GTF2A1L: variants seen among roughly 807,000 people sequenced by gnomAD.
GTF2A1L encodes general transcription factor IIA subunit 1 like, also known as TFIIA-alpha and beta-like factor.
In GTF2A1L, 48 loss-of-function variants were observed where a neutral mutation model predicts 49.7. The observed-to-expected ratio is 0.97, with a 90% CI of 0.77 to 1.23. The LOEUF is 1.23. Ranked by LOEUF, GTF2A1L falls within the 50% of genes most tolerant of loss-of-function variation. The probability of loss-of-function intolerance (pLI) is 0.00; values close to 1 mark genes in which losing one functional copy is unlikely to be tolerated. For synonymous variants in GTF2A1L, 246 were observed against 193.5 expected, an observed-to-expected ratio of 1.27 and a Z score of -2.25; for missense variants, 736 against 564.8, an observed-to-expected ratio of 1.30 and a Z score of -3.07.
intron 6 of GTF2A1L, among the ~76,000 whole-genome samples, chr2:48,669,155 ACT>A (rs1229927581): frequency 6.6e-6 from 1 of 152,000 alleles, no homozygotes; most frequent in Non-Finnish European, 1.5e-5. Context: ...TCAAACAGAA[ACT>A]CTGTACTCAT....
intron 6 of GTF2A1L, among the ~76,000 whole-genome samples, chr2:48,663,346 G>C (rs972403761): frequency 1.3e-5 from 2 of 152,104 alleles, no homozygotes; most frequent in Non-Finnish European, 2.9e-5. Context: ...TGAGGTGGGA[G>C]GATCGCTTGA....
intron 3 of GTF2A1L, among the ~76,000 whole-genome samples, chr2:48,623,836 C>T (rs1260463773): frequency 6.6e-6 from 1 of 152,130 alleles, no homozygotes; most frequent in Non-Finnish European, 1.5e-5. Context: ...TGCATGTTCT[C>T]ACTTATAAAT....
intron 6 of GTF2A1L, among the ~76,000 whole-genome samples, chr2:48,652,424 T>C (rs988304306): frequency 2.6e-5 from 4 of 151,936 alleles, no homozygotes; most frequent in African/African-American, 9.7e-5. Flanking sequence ...GAGACCAGCC[T>C]GGTCAACGTG....
Position 48,646,945 on chromosome 2 carries a change from T to A in GTF2A1L, c.881T>A (p.Ile294Asn). The A allele has an allele frequency of 6.2e-7, 1 of 1,614,208 alleles. No homozygotes were observed. Among genetic ancestry groups the A allele is most frequent in the Non-Finnish European group, 8.5e-7 (1 of 1,180,038 alleles). The part of the protein sequence containing the change: ...HGALHQHVTD[I>N]QLHILKNRMY... ...GCTCTCCACCAGCACGTGACTGATA[T>A]TCAGCTTCATATTCTTAAAAATAGG... Residue 294 changes from isoleucine (I) to asparagine (N), a missense_variant, in exon 6 of 9, where the codon ATT (isoleucine) becomes AAT (asparagine). Physicochemically the swap from Ile to Asn is moderately radical, Grantham distance 149. Coordinates refer to ENST00000403751, the MANE Select transcript of GTF2A1L (RefSeq NM_006872.5).
chr2:48,650,973 C>T (rs1283877757), intron 6 of GTF2A1L, among the ~76,000 whole-genome samples: 1 of 152,150 alleles, frequency 6.6e-6, no homozygotes, highest in Non-Finnish European at 1.5e-5. Flanking sequence ...TTTATCCCCA[C>T]ATATGGGTAT....
At chr2:48,618,002 A>G (rs1675759426) in intron 1 of GTF2A1L, 107 bp downstream of exon 1, 2 of 1,158,456 alleles carry the variant, frequency 1.7e-6, no homozygotes, top group Non-Finnish European at 2.5e-6. Context: ...ACAGATTGTC[A>G]TAAACCCTCT....
chr2:48,642,334 C>G, intron 3 of GTF2A1L, 68 bp from the exon 4 acceptor site: 6 of 1,381,278 alleles, frequency 4.3e-6, no homozygotes, highest in Non-Finnish European at 5.9e-6. Context: ...TAAAAATAAG[C>G]TATATTTAGT....
chr2:48,622,542 G>C (rs1246855197), intron 3 of GTF2A1L, among the ~76,000 whole-genome samples: 1 of 152,122 alleles, frequency 6.6e-6, no homozygotes, highest in East Asian at 1.9e-4. Context: ...GGTGTGGTGG[G>C]TATGGAAGAG....
chr2:48,643,485 A>G (rs1677317399), intron 4 of GTF2A1L, among the ~76,000 whole-genome samples: 1 of 152,156 alleles, frequency 6.6e-6, no homozygotes, highest in Non-Finnish European at 1.5e-5. Flanking sequence ...GGATTTTTGG[A>G]AAGAATGGTG....
At chr2:48,679,246 G>C in intron 8 of GTF2A1L, 89 bp from the exon 9 acceptor site, 1 of 1,500,830 alleles carries the variant, frequency 6.7e-7, no homozygotes, top group Non-Finnish European at 8.9e-7. Flanking sequence ...CATTTCGGGT[G>C]AGAATAATCC....
intron 6 of GTF2A1L, among the ~76,000 whole-genome samples, chr2:48,657,455 A>G (rs995684485): frequency 6.6e-6 from 1 of 152,178 alleles, no homozygotes; most frequent in African/African-American, 2.4e-5. Context: ...GGGGCTGCAT[A>G]GTATTCCACG....
At chr2:48,622,432 CCTT>C (rs1306786147) in intron 3 of GTF2A1L, among the ~76,000 whole-genome samples, 1 of 152,144 alleles carries the variant, frequency 6.6e-6, no homozygotes, top group Non-Finnish European at 1.5e-5. Flanking sequence ...TGGGACATCT[CCTT>C]CTCTGTTTAA....
chr2:48,636,140 A>G (rs925671300), intron 3 of GTF2A1L, among the ~76,000 whole-genome samples: 6 of 152,098 alleles, frequency 3.9e-5, no homozygotes, highest in African/African-American at 1.4e-4. Flanking sequence ...CAAACCATTG[A>G]TCTTTATTTA....
At chr2:48,635,258 C>T (rs1558715307) in intron 3 of GTF2A1L, among the ~76,000 whole-genome samples, 2 of 151,358 alleles carry the variant, frequency 1.3e-5, no homozygotes, top group African/African-American at 4.9e-5. Flanking sequence ...GATCTCTGCA[C>T]AGGAAGGGTG....
At chr2:48,621,021 T>C (rs2104055437) in intron 2 of GTF2A1L, 69 bp downstream of exon 2, 1 of 1,533,986 alleles carries the variant, frequency 6.5e-7, no homozygotes, top group East Asian at 2.3e-5. Context: ...ACTGATATAG[T>C]TCTGATCTCT....
intron 6 of GTF2A1L, among the ~76,000 whole-genome samples, chr2:48,666,276 G>A (rs1678835323): frequency 6.6e-6 from 1 of 151,718 alleles, no homozygotes; most frequent in South Asian, 2.1e-4. Context: ...CGCGATCTCA[G>A]CTCACTGCAA....
chr2:48,666,706 C>A (rs1359092945), intron 6 of GTF2A1L, among the ~76,000 whole-genome samples: 1 of 151,960 alleles, frequency 6.6e-6, no homozygotes, highest in African/African-American at 2.4e-5. Context: ...ATGACCCCTT[C>A]ACATGAAATT....
intron 6 of GTF2A1L, among the ~76,000 whole-genome samples, chr2:48,655,773 G>A (rs1420092004): frequency 1.3e-5 from 2 of 151,956 alleles, no homozygotes; most frequent in Non-Finnish European, 2.9e-5. Context: ...ACATTGTTGT[G>A]TAGCTATCAC....
intron 8 of GTF2A1L, among the ~76,000 whole-genome samples, chr2:48,675,160 C>G (rs965677138): frequency 2.0e-5 from 3 of 152,074 alleles, no homozygotes; most frequent in African/African-American, 7.2e-5. Flanking sequence ...TAGAGCTTTA[C>G]TAATTCAGTG....
Sources: gnomAD v4.1 joint callset for allele counts (sites outside exome capture counted in the v4.1 genomes callset) on GRCh38, gnomAD v4.1.1 for gene constraint, MANE v1.5 for transcripts, NCBI Gene and HGNC (gene_info 2026-07-23, HGNC 2026-07-21) for gene names.